Variants in ALOX12B observed in about 807,000 individuals in gnomAD.
The protein encoded by ALOX12B is arachidonate 12-lipoxygenase, 12R-type.
Under a neutral mutation model 78.9 loss-of-function variants are expected in ALOX12B, and 47 were observed. The ratio of observed to expected loss-of-function variants is 0.60; its 90% CI spans 0.47 to 0.76. The LOEUF (loss-of-function observed/expected upper bound fraction) is 0.76, where lower values mean the gene tolerates loss of function less well. Among genes scored for constraint, ALOX12B ranks in the 30% least tolerant of loss-of-function variants. ALOX12B has a pLI of 0.00. For synonymous variants in ALOX12B, 370 were observed against 374.5 expected (o/e 0.99, Z 0.14); for missense variants, 805 against 922.6 (o/e 0.87, Z 1.65).
chr17:8,079,548 G>A lies in ALOX12B; in HGVS notation c.928-9C>T, dbSNP rs1388949646. ...AGGTAAATGTTCCCCTTCTGGAGGGGAGCCGCGATGGGTGGCAAGTAGGCA... is the reference window on the plus strand; with the variant it reads ...AGGTAAATGTTCCCCTTCTGGAGGGAAGCCGCGATGGGTGGCAAGTAGGCA... On this transcript the variant is annotated splice_polypyrimidine_tract_variant and intron_variant, in intron 7 of 14. Coordinates refer to ENST00000647874, the MANE Select transcript of ALOX12B (RefSeq NM_001139.3). This position sits in a 1 kb window ranked among gnomAD's most constrained non-coding sequence, Gnocchi z 6.4. 5.8e-6 allele frequency: 9 copies of A among 1,549,930 alleles called. No individual in the cohort carries two copies. The Admixed American group carries it at 1.8e-4, about 30-fold the overall frequency.
Position 8,080,501 on chromosome 17 carries a change from C to T in ALOX12B, c.650+157G>A, listed in dbSNP as rs1278784114. On this transcript the variant is annotated intron_variant, in intron 5 of 14. Transcript: ENST00000647874. This position sits in a 1 kb window ranked among gnomAD's most constrained non-coding sequence, Gnocchi z 4.8. Reference sequence around the variant, plus strand: ...TCAAGATCTTTGCATCTCTAGGTCTCTGGGATCATGTCTCAGGTTTTCTGG... The same window carrying T: ...TCAAGATCTTTGCATCTCTAGGTCTTTGGGATCATGTCTCAGGTTTTCTGG... The T allele has an allele frequency of 1.4e-6, 2 of 1,403,084 alleles. No homozygotes were observed. Among genetic ancestry groups the T allele is most frequent in the East Asian group, 4.7e-5 (2 of 42,496 alleles). The allele number at this position is 1,403,084 out of a possible 1,614,324, so 86.9% of individuals were successfully genotyped here.
In ALOX12B at chr17:8,080,226, A is replaced by G; in HGVS notation, c.754+9T>C. ...CCCCCTGCTCGATCCGGGACGCCCC[A>G]TTCCATACCGGAGACGACAGATTTC... On this transcript the variant is annotated intron_variant, in intron 6 of 14. Coordinates refer to ENST00000647874, the MANE Select transcript of ALOX12B (RefSeq NM_001139.3). The surrounding 1 kb of genome is among the most constrained non-coding windows in gnomAD (Gnocchi z 4.8). The G allele has an allele frequency of 1.9e-6, 3 of 1,613,434 alleles. No homozygotes were observed. The highest frequency in any genetic ancestry group is 2.5e-6 in the Non-Finnish European group (3 of 1,179,328).
At chr17:8,075,521 G>A in intron 12 of ALOX12B, 74 bp downstream of exon 12, 1 of 1,607,458 alleles carries the variant, frequency 6.2e-7, no homozygotes, top group East Asian at 2.2e-5. Flanking sequence ...GCCCAGGAGG[G>A]CCCTAGCAGA....
chr17:8,077,450 C>T (rs142473090), intron 8 of ALOX12B, among the ~76,000 whole-genome samples: 43 of 152,366 alleles, frequency 2.8e-4, no homozygotes, highest in Middle Eastern at 3.4e-3. Flanking sequence ...CAAGAACCAT[C>T]TCACAAGCTG....
intron 14 of ALOX12B, 43 bp downstream of exon 14, chr17:8,073,105 T>C (rs1288684737): frequency 4.3e-6 from 7 of 1,612,998 alleles, no homozygotes; most frequent in Non-Finnish European, 5.9e-6. Flanking sequence ...CCCCGGCTTC[T>C]GGTCCCCTCC....
intron 10 of ALOX12B, 35 bp from the exon 11 acceptor site, chr17:8,076,379 G>A (rs1977083082): frequency 6.4e-7 from 1 of 1,562,736 alleles, no homozygotes; most frequent in African/African-American, 1.4e-5. Context: ...GAGCCGGACA[G>A]GCATCCCTGG....
chr17:8,073,112 C>T, intron 14 of ALOX12B, 36 bp downstream of exon 14: 3 of 1,613,702 alleles, frequency 1.9e-6, no homozygotes, highest in Non-Finnish European at 2.5e-6. Context: ...TTCTGGTCCC[C>T]TCCCTGTGCT....
chr17:8,086,930 C>G (rs184476600), intron 1 of ALOX12B, among the ~76,000 whole-genome samples: 203 of 151,788 alleles, frequency 1.3e-3, no homozygotes, highest in Middle Eastern at 3.4e-3. Context: ...TAGGCAGAGA[C>G]AGGGAGAGAG....
chr17:8,075,805 C>G (rs969005371), intron 11 of ALOX12B, 89 bp from the exon 12 acceptor site: 73 of 1,608,172 alleles, frequency 4.5e-5, no homozygotes, highest in Non-Finnish European at 6.0e-5. Flanking sequence ...GTGCCCTGAC[C>G]TCAGTTGGCC....
At chr17:8,077,587 T>G (rs1454013374) in intron 8 of ALOX12B, among the ~76,000 whole-genome samples, 1 of 152,228 alleles carries the variant, frequency 6.6e-6, no homozygotes, top group Non-Finnish European at 1.5e-5. Context: ...GCCTACGCTA[T>G]TCCATTAAGG....
chr17:8,076,540 C>A, intron 10 of ALOX12B, 117 bp downstream of exon 10: 1 of 1,327,128 alleles, frequency 7.5e-7, no homozygotes, highest in South Asian at 1.3e-5. Flanking sequence ...ATCCAGCTCC[C>A]TCCCTTCATG....
chr17:8,074,034 C>T (rs111642944), intron 12 of ALOX12B, among the ~76,000 whole-genome samples: 5 of 152,150 alleles, frequency 3.3e-5, no homozygotes, highest in African/African-American at 1.2e-4. Flanking sequence ...TTCCAGTTTC[C>T]CTGGGGATGC....
intron 11 of ALOX12B, 27 bp downstream of exon 11, chr17:8,076,148 A>G (rs1977075515): frequency 6.2e-7 from 1 of 1,613,590 alleles, no homozygotes; most frequent in African/African-American, 1.3e-5. Context: ...CCACCCTAAG[A>G]GCCACCCACT....
chr17:8,087,659 G>T lies in ALOX12B; in HGVS notation c.-217C>A. 1.4e-6 allele frequency: 1 copy of T among 707,970 alleles called. No homozygotes were observed. The highest frequency in any genetic ancestry group is 2.3e-6 in the Non-Finnish European group (1 of 428,342). The allele number at this position is 707,970 out of a possible 1,614,324, so 43.9% of individuals were successfully genotyped here. A position where few individuals can be genotyped will look rare whatever the true frequency, so the allele number is the denominator to read the frequency against. ...TGGTGGCCGGGGTGGGTGCCGGGCA[G>T]GCCCAGGCGGAGCCCAGCTGGTGGT... is the stretch of plus-strand genomic sequence containing the variant. On this transcript the variant is annotated 5_prime_UTR_variant, in exon 1 of 15. In the 5' UTR this introduces an upstream ATG that the reference lacks. Coordinates refer to ENST00000647874, the MANE Select transcript of ALOX12B (RefSeq NM_001139.3).
rs1378958306 is a variant in ALOX12B at position 8,080,021 on chromosome 17, T to C, written c.755-80A>G. The C allele has an allele frequency of 1.3e-6, 2 of 1,559,768 alleles. No individual in the cohort carries two copies. Among genetic ancestry groups the C allele is most frequent in the African/African-American group, 2.7e-5 (2 of 73,662 alleles). On this transcript the variant is annotated intron_variant, in intron 6 of 14. Coordinates refer to ENST00000647874, the MANE Select transcript of ALOX12B (RefSeq NM_001139.3). The surrounding 1 kb of genome is among the most constrained non-coding windows in gnomAD (Gnocchi z 4.8). Reference sequence around the variant, plus strand: ...AGAGGCATGGGACAGAAGAAGACTATGGGCACCGAGAGGAGTCGGGGAGGA... The same window carrying C: ...AGAGGCATGGGACAGAAGAAGACTACGGGCACCGAGAGGAGTCGGGGAGGA...
chr17:8,073,590 G>T, intron 13 of ALOX12B, 67 bp downstream of exon 13: 2 of 1,427,802 alleles, frequency 1.4e-6, no homozygotes, highest in Non-Finnish European at 2.0e-6. Context: ...GTTTGAGGTT[G>T]GGGCATGGAC....
intron 8 of ALOX12B, among the ~76,000 whole-genome samples, chr17:8,077,913 G>A (rs115670409): frequency 2.6e-5 from 4 of 152,104 alleles, no homozygotes; most frequent in East Asian, 1.9e-4. Context: ...CTGGCCCTCC[G>A]TATCCATGGG....
chr17:8,076,876 AGATGCCC>A, intron 9 of ALOX12B, 107 bp downstream of exon 9: 1 of 720,236 alleles, frequency 1.4e-6, no homozygotes, highest in South Asian at 2.1e-5. Context: ...TGTGGTCCCC[AGATGCCC>A]CCCAGGCTGA....
chr17:8,080,396 GC>G lies in ALOX12B; in HGVS notation c.651-59del. 6.3e-7 allele frequency: 1 copy of G among 1,589,968 alleles called. No homozygotes were observed. Among genetic ancestry groups the G allele is most frequent in the Non-Finnish European group, 8.6e-7 (1 of 1,158,320 alleles). On this transcript the variant is annotated intron_variant, in intron 5 of 14. Coordinates refer to ENST00000647874, the MANE Select transcript of ALOX12B (RefSeq NM_001139.3). The surrounding 1 kb of genome is among the most constrained non-coding windows in gnomAD (Gnocchi z 4.8). ...GAGGGGCTGCCAAGCGCCGGCTGGG[GC>G]AGGTGGCGGGGCCGCCCCATCCACT...
Sources: gnomAD v4.1 joint callset for allele counts (sites outside exome capture counted in the v4.1 genomes callset) on GRCh38, gnomAD v4.1.1 for gene constraint, Gnocchi (gnomAD v3.1) non-coding constraint, MANE v1.5 for transcripts, NCBI Gene and HGNC (gene_info 2026-07-23, HGNC 2026-07-21) for gene names.